The following EEPD1 variants were observed in gnomAD, a reference collection of about 807,000 sequenced individuals.
EEPD1 encodes endonuclease/exonuclease/phosphatase family domain-containing protein 1.
A neutral mutation model predicts 46.3 loss-of-function variants in EEPD1; 17 were observed. That is an observed-to-expected ratio of 0.37 (90% CI 0.25 to 0.55). The LOEUF (loss-of-function observed/expected upper bound fraction) is 0.55. EEPD1 is among the 20% of genes least tolerant of loss of function. The probability of loss-of-function intolerance (pLI) is 0.83; values close to 1 mark genes in which losing one functional copy is unlikely to be tolerated. For synonymous variants in EEPD1, 313 were observed against 315.6 expected (o/e 0.99, Z 0.09); for missense variants, 673 against 745.6 (o/e 0.90, Z 1.13).
intron 2 of EEPD1, among the ~76,000 whole-genome samples, chr7:36,205,207 A>G (rs1269396705): frequency 1.3e-5 from 2 of 152,224 alleles, no homozygotes; most frequent in African/African-American, 4.8e-5. Flanking sequence ...ATCACATTCC[A>G]TGAGAAACAA....
Position 36,278,263 on chromosome 7 carries a change from G to A in EEPD1, c.931-2852G>A, listed in dbSNP as rs927297579. On this transcript the variant is annotated intron_variant, in intron 3 of 7. Coordinates refer to ENST00000242108, the MANE Select transcript of EEPD1 (RefSeq NM_030636.3). ...ACTTCCGACCCCTCCCATCAAAATG[G>A]TGTTGCCAGGGAGGGGTTTTTCTAA... is the stretch of plus-strand genomic sequence containing the variant. Among the ~76,000 whole-genome samples, 9 of 152,190 alleles carry A rather than the reference G, an allele frequency of 5.9e-5. No individual in the cohort carries two copies. The East Asian group carries it at 9.6e-4, about 16-fold the overall frequency.
rs1020269490 is a variant in EEPD1, at chr7:36,163,739, G to A, written c.878+8537G>A. Among the ~76,000 whole-genome samples the A allele has an allele frequency of 3.6e-4, 55 of 152,066 alleles. 1 individual carries two copies. Among genetic ancestry groups the A allele is most frequent in the Admixed American group, 2.4e-3 (36 of 15,276 alleles). Reference sequence around the variant, plus strand: ...CTAAAAATAAAAAAATTAGCCAGGCGTGGTGGCGGGCACCTGTAGTCCCAG... The same window carrying A: ...CTAAAAATAAAAAAATTAGCCAGGCATGGTGGCGGGCACCTGTAGTCCCAG... On this transcript the variant is annotated intron_variant, in intron 2 of 7. Coordinates refer to ENST00000242108, the MANE Select transcript of EEPD1 (RefSeq NM_030636.3).
chr7:36,189,912 A>G (rs1785431006), intron 2 of EEPD1, among the ~76,000 whole-genome samples: 1 of 152,212 alleles, frequency 6.6e-6, no homozygotes, highest in Non-Finnish European at 1.5e-5. Flanking sequence ...TCAGCTACTT[A>G]GGAGGCTGAG....
chr7:36,246,694 T>C (rs2115800135), intron 3 of EEPD1, among the ~76,000 whole-genome samples: 1 of 152,316 alleles, frequency 6.6e-6, no homozygotes, highest in South Asian at 2.1e-4. Flanking sequence ...GATAGGTGTT[T>C]TTTTTTTAGA....
intron 3 of EEPD1, among the ~76,000 whole-genome samples, chr7:36,261,264 T>C (rs1786917661): frequency 6.6e-6 from 1 of 152,236 alleles, no homozygotes; most frequent in South Asian, 2.1e-4. Flanking sequence ...AAAGTTGCTG[T>C]TCCAGTCCAT....
chr7:36,297,626 A>T (rs776764501), intron 7 of EEPD1, among the ~76,000 whole-genome samples: 6 of 152,218 alleles, frequency 3.9e-5, no homozygotes, highest in Non-Finnish European at 8.8e-5. Flanking sequence ...TTAGTCTTCT[A>T]GCAAACATTT....
At chr7:36,241,869 G>GA (rs910236223) in intron 3 of EEPD1, among the ~76,000 whole-genome samples, 5 of 152,210 alleles carry the variant, frequency 3.3e-5, no homozygotes, top group Admixed American at 6.5e-5. Context: ...CCCTGTCCCA[G>GA]AAAAAAACCC....
At chr7:36,263,118 C>G (rs1463736115) in intron 3 of EEPD1, among the ~76,000 whole-genome samples, 1 of 152,086 alleles carries the variant, frequency 6.6e-6, no homozygotes, top group Admixed American at 6.5e-5. Flanking sequence ...ATTGCTTGAG[C>G]TCAGGAGTTT....
At position 36,216,380 on chromosome 7, in the gene EEPD1, T is replaced by A. The variant is rs1786030607; in HGVS notation, c.879-22605T>A. 3.3e-5 allele frequency among the ~76,000 whole-genome samples: 5 copies of A among 152,218 alleles called. No homozygotes were observed. The South Asian group carries it at 1.0e-3, about 32-fold the overall frequency. On this transcript the variant is annotated intron_variant, in intron 2 of 7. Coordinates refer to ENST00000242108, the MANE Select transcript of EEPD1 (RefSeq NM_030636.3). ...TCAGTAAAATCTTCAGTCTCTTTAG[T>A]GCTCAAGTAAATGTAAATTTAAACT...
intron 3 of EEPD1, among the ~76,000 whole-genome samples, chr7:36,247,633 G>A (rs1346375632): frequency 6.6e-6 from 1 of 152,180 alleles, no homozygotes; most frequent in African/African-American, 2.4e-5. Flanking sequence ...CAAGGGAGTT[G>A]AAGTGCCCTC....
chr7:36,223,298 A>G (rs60623700), intron 2 of EEPD1, among the ~76,000 whole-genome samples: 6,868 of 152,078 alleles, frequency 0.045, 535 homozygotes, highest in East Asian at 0.37. Context: ...GGCTCTTGGG[A>G]GCTTTTTGTG....
intron 3 of EEPD1, among the ~76,000 whole-genome samples, chr7:36,280,407 C>T (rs968452345): frequency 6.6e-6 from 1 of 152,098 alleles, no homozygotes; most frequent in African/African-American, 2.4e-5. Context: ...GACAAGGGGG[C>T]ATGACCCCAA....
At chr7:36,218,411 TA>T (rs1360884248) in intron 2 of EEPD1, among the ~76,000 whole-genome samples, 1 of 151,990 alleles carries the variant, frequency 6.6e-6, no homozygotes, top group Non-Finnish European at 1.5e-5. Flanking sequence ...AAAAAAAAAT[TA>T]TAACAATAGA....
chr7:36,234,544 C>T (rs776532890), intron 2 of EEPD1, among the ~76,000 whole-genome samples: 3 of 151,704 alleles, frequency 2.0e-5, no homozygotes, highest in African/African-American at 7.3e-5. Context: ...TGGTGGCGTG[C>T]GCCTGCAGTC....
chr7:36,214,676 G>A (rs1309816238), intron 2 of EEPD1, among the ~76,000 whole-genome samples: 1 of 152,202 alleles, frequency 6.6e-6, no homozygotes, highest in East Asian at 1.9e-4. Flanking sequence ...ATTCCCGGGT[G>A]ATGTTCACTA....
At chr7:36,296,112 G>C (rs1191170136) in intron 6 of EEPD1, among the ~76,000 whole-genome samples, 2 of 147,354 alleles carry the variant, frequency 1.4e-5, no homozygotes, top group East Asian at 4.1e-4. Context: ...AGCCTTAAAA[G>C]TGACCAGCAG....
intron 2 of EEPD1, among the ~76,000 whole-genome samples, chr7:36,215,229 A>T (rs1446075284): frequency 6.6e-6 from 1 of 152,118 alleles, no homozygotes; most frequent in Non-Finnish European, 1.5e-5. Flanking sequence ...GTGACTCTGC[A>T]CCCCGCAGCG....
At chr7:36,239,346 C>G (rs901089500) in intron 3 of EEPD1, among the ~76,000 whole-genome samples, 2 of 152,074 alleles carry the variant, frequency 1.3e-5, no homozygotes, top group African/African-American at 4.8e-5. Context: ...CATTAGGAGC[C>G]AGAGGCCTCA....
At chr7:36,205,463 T>C (rs1213399432) in intron 2 of EEPD1, among the ~76,000 whole-genome samples, 4 of 152,224 alleles carry the variant, frequency 2.6e-5, no homozygotes, top group Non-Finnish European at 4.4e-5. Context: ...GAGAAAGATA[T>C]GGCCCACATT....
Sources: allele counts gnomAD v4.1 joint callset (sites outside exome capture counted in the v4.1 genomes callset), GRCh38; gene constraint gnomAD v4.1.1; transcripts MANE v1.5; gene names NCBI Gene and HGNC (gene_info 2026-07-23, HGNC 2026-07-21).